The following STUM variants were observed in gnomAD, a reference collection of about 807,000 sequenced individuals.
STUM encodes the protein stum, mechanosensory transduction mediator homolog.
Under a neutral mutation model 15.3 loss-of-function variants are expected in STUM, and 8 were observed. The ratio of observed to expected loss-of-function variants is 0.52; its 90% CI spans 0.31 to 0.94. STUM has a LOEUF of 0.94. STUM is among the 40% of genes least tolerant of loss of function. STUM has a pLI of 0.05. For synonymous variants in STUM, 78 were observed against 88.7 expected (o/e 0.88, Z 0.68); for missense variants, 142 against 204.9 (o/e 0.69, Z 1.87).
intron 1 of STUM, 106 bp from the exon 2 acceptor site, chr1:226,596,696 C>CT: frequency 1.9e-6 from 2 of 1,038,684 alleles, no homozygotes; most frequent in Non-Finnish European, 2.9e-6. Flanking sequence ...TGGTTCTTCT[C>CT]TGAGTTCTTG....
intron 1 of STUM, among the ~76,000 whole-genome samples, chr1:226,558,714 C>T (rs1667491553): frequency 6.6e-6 from 1 of 152,164 alleles, no homozygotes; most frequent in Admixed American, 6.5e-5. Context: ...TTTGTGTGCA[C>T]AAATGTTCCA....
At chr1:226,570,988 T>C (rs959802937) in intron 1 of STUM, among the ~76,000 whole-genome samples, 3 of 152,148 alleles carry the variant, frequency 2.0e-5, no homozygotes, top group African/African-American at 7.2e-5. Context: ...CTCAGCACTT[T>C]TGGAGGCCGA....
intron 2 of STUM, among the ~76,000 whole-genome samples, chr1:226,598,343 T>C (rs1668215518): frequency 1.3e-5 from 2 of 152,168 alleles, no homozygotes; most frequent in Admixed American, 6.5e-5. Context: ...TTGTGCAAGA[T>C]GAGCCCCTCT....
intron 1 of STUM, among the ~76,000 whole-genome samples, chr1:226,578,992 C>T (rs1046048628): frequency 6.6e-6 from 1 of 152,172 alleles, no homozygotes; most frequent in Non-Finnish European, 1.5e-5. Context: ...GTGAGTGCTG[C>T]GGCTGGAATT....
chr1:226,554,000 C>A (rs763859556), intron 1 of STUM, among the ~76,000 whole-genome samples: 1 of 152,216 alleles, frequency 6.6e-6, no homozygotes, highest in African/African-American at 2.4e-5. Flanking sequence ...CACCCCCACC[C>A]GATGCCATAT....
intron 1 of STUM, among the ~76,000 whole-genome samples, chr1:226,564,150 A>G (rs78799197): frequency 0.011 from 1,618 of 151,976 alleles, 31 homozygotes; most frequent in African/African-American, 0.033. Context: ...ACTTGGGCCC[A>G]CTCTTGGGTG....
At chr1:226,592,066 A>G (rs1291635818) in intron 1 of STUM, among the ~76,000 whole-genome samples, 1 of 152,110 alleles carries the variant, frequency 6.6e-6, no homozygotes, top group Non-Finnish European at 1.5e-5. Flanking sequence ...TTGTTGTTTT[A>G]TGATGGAGTC....
intron 1 of STUM, among the ~76,000 whole-genome samples, chr1:226,588,132 C>A (rs1166767181): frequency 6.6e-6 from 1 of 152,176 alleles, no homozygotes; most frequent in South Asian, 2.1e-4. Flanking sequence ...TATTCCAGAT[C>A]GGTTTTATGT....
Position 226,600,693 on chromosome 1 carries a change from G to T in STUM, c.391+19G>T, listed in dbSNP as rs373700000. On this transcript the variant is annotated intron_variant, in intron 3 of 3. Coordinates refer to ENST00000366788, the MANE Select transcript of STUM (RefSeq NM_001003665.4). The surrounding 1 kb of genome is among the most constrained non-coding windows in gnomAD (Gnocchi z 5.2). ...TCCCAAGGTGAGTCTGCGGATGGAC[G>T]TGCGGGCCTCGTGCTGCTGCTTGGG... 1 of 1,610,110 alleles carries T rather than the reference G, an allele frequency of 6.2e-7. No individual in the cohort carries two copies. The highest frequency in any genetic ancestry group is 1.1e-5 in the South Asian group (1 of 91,086).
In STUM at chr1:226,583,133, G is replaced by A. The variant is rs577397896; in HGVS notation, c.203-13669G>A. 3.0e-3 allele frequency among the ~76,000 whole-genome samples: 451 copies of A among 152,362 alleles called. 2 individuals carry two copies. Among genetic ancestry groups the A allele is most frequent in the African/African-American group, 0.01 (422 of 41,574 alleles). ...GTGGCCTCAGCTCAGGAGTGGCACA[G>A]TGCCACTTCCCCTGCATTATATTGG... On this transcript the variant is annotated intron_variant, in intron 1 of 3. Transcript: ENST00000366788.
At chr1:226,570,710 C>T (rs564418796) in intron 1 of STUM, among the ~76,000 whole-genome samples, 3 of 152,168 alleles carry the variant, frequency 2.0e-5, no homozygotes, top group Non-Finnish European at 4.4e-5. Context: ...ATCATTTATC[C>T]TTCATATGTG....
chr1:226,601,372 G>A (rs543973105), intron 3 of STUM, among the ~76,000 whole-genome samples: 132 of 152,198 alleles, frequency 8.7e-4, no homozygotes, highest in Middle Eastern at 3.4e-3. Flanking sequence ...TGATCTGCCC[G>A]CCTCGGCCTC....
At chr1:226,555,222 C>T (rs1042325568) in intron 1 of STUM, among the ~76,000 whole-genome samples, 3 of 152,204 alleles carry the variant, frequency 2.0e-5, no homozygotes, top group African/African-American at 2.4e-5. Context: ...TATTCACACC[C>T]GCAGTGATCT....
At position 226,549,290 on chromosome 1, in the gene STUM, G is replaced by C. The variant is rs1158448142; in HGVS notation, c.202+184G>C. Among the ~76,000 whole-genome samples the C allele has an allele frequency of 3.9e-5, 6 of 152,188 alleles. No homozygotes were observed. The highest frequency in any genetic ancestry group is 1.4e-4 in the African/African-American group (6 of 41,456). ...AGAAGCGCGTGGAGTGTGCACCCCA[G>C]AGGGGAGAGGCTGCGCTGGGGTCTC... On this transcript the variant is annotated intron_variant, in intron 1 of 3. Transcript: ENST00000366788. The surrounding 1 kb of genome is among the most constrained non-coding windows in gnomAD (Gnocchi z 6.8).
intron 1 of STUM, among the ~76,000 whole-genome samples, chr1:226,561,828 A>T (rs764515231): frequency 6.6e-6 from 1 of 152,230 alleles, no homozygotes; most frequent in Non-Finnish European, 1.5e-5. Flanking sequence ...CACAGGGAAC[A>T]TGAGAGAGTG....
chr1:226,563,415 G>A (rs1667573079), intron 1 of STUM, among the ~76,000 whole-genome samples: 1 of 152,194 alleles, frequency 6.6e-6, no homozygotes, highest in Admixed American at 6.5e-5. Flanking sequence ...AACCCTAAGG[G>A]CACACAAAAG....
chr1:226,581,813 C>T (rs1341723504), intron 1 of STUM, among the ~76,000 whole-genome samples: 1 of 152,178 alleles, frequency 6.6e-6, no homozygotes, highest in Non-Finnish European at 1.5e-5. Context: ...CATCCTGAGC[C>T]AGGCCTGCCC....
chr1:226,595,860 C>T (rs1264118193), intron 1 of STUM, among the ~76,000 whole-genome samples: 1 of 152,214 alleles, frequency 6.6e-6, no homozygotes, highest in East Asian at 1.9e-4. Context: ...AAGGACTCAT[C>T]CCTGAGGACC....
chr1:226,566,672 A>G (rs1571798295), intron 1 of STUM, among the ~76,000 whole-genome samples: 2 of 152,314 alleles, frequency 1.3e-5, no homozygotes, highest in African/African-American at 4.8e-5. Flanking sequence ...GCTTTCACCA[A>G]TTCAACCCTC....
Sources: allele counts gnomAD v4.1 joint callset (sites outside exome capture counted in the v4.1 genomes callset), GRCh38; gene constraint gnomAD v4.1.1; non-coding constraint Gnocchi (gnomAD v3.1); transcripts MANE v1.5; gene names NCBI Gene and HGNC (gene_info 2026-07-23, HGNC 2026-07-21).